Variants in AGBL5 observed in about 807,000 individuals in gnomAD.
AGBL5 encodes cytosolic carboxypeptidase-like protein 5.
A neutral mutation model predicts 88.0 loss-of-function variants in AGBL5; 51 were observed. The ratio of observed to expected loss-of-function variants is 0.58; its 90% confidence interval spans 0.46 to 0.73. The LOEUF (loss-of-function observed/expected upper bound fraction) is 0.73. Among genes scored for constraint, AGBL5 ranks in the 30% least tolerant of loss-of-function variants. AGBL5 has a pLI of 0.00. For missense variants in AGBL5, 1,031 were observed against 1,162.2 expected (o/e 0.89, Z 1.64); for synonymous variants, 446 against 438.8 (o/e 1.02, Z -0.21).
intron 7 of AGBL5, chr2:27,056,342 A>G (rs140547084): frequency 3.2e-6 from 2 of 630,472 alleles, no homozygotes; most frequent in African/African-American, 1.8e-5. Flanking sequence ...ACCTTTTATT[A>G]AGGAAAGCTA....
Position 27,057,366 on chromosome 2 carries a change from T to C in AGBL5, c.1599T>C (p.His533=). 6 of 1,614,080 alleles carry C rather than the reference T, an allele frequency of 3.7e-6. No individual in the cohort carries two copies. The highest frequency in any genetic ancestry group is 5.1e-6 in the Non-Finnish European group (6 of 1,179,974). ...RSVNSIPAAC[H]DNGRASPPPP... is the part of the protein sequence containing the mutation. ...TAAACAGCATCCCTGCTGCCTGCCA[T>C]GACAATGGGCGTGCCAGCCCCCCTC... The change falls in exon 9 of 15, where the codon CAT becomes CAC. Residue 533 remains histidine, a synonymous_variant. Coordinates refer to ENST00000360131, the MANE Select transcript of AGBL5 (RefSeq NM_021831.6).
At position 27,054,676 on chromosome 2, in the gene AGBL5, C is replaced by G. The variant is rs1668338532; in HGVS notation, c.598C>G (p.Leu200Val). The G allele has an allele frequency of 1.2e-6, 2 of 1,613,996 alleles. No homozygotes were observed. Among genetic ancestry groups the G allele is most frequent in the African/African-American group, 2.7e-5 (2 of 74,894 alleles). Residue 200 changes from leucine to valine, a missense_variant, in exon 5 of 15, where the codon CTG (leucine) becomes GTG (valine). This residue lies in a region of AGBL5 where 540 missense variants were observed against 678.2 expected (regional missense o/e 0.80). Transcript: ENST00000360131. ...YYHRELLCYS[L>V]DGLRVDLLTI... Reference sequence around the variant, plus strand: ...CCATCGGGAGCTCCTTTGCTATTCTCTGGATGGACTTCGTGTAGATCTGCT... The same window carrying G: ...CCATCGGGAGCTCCTTTGCTATTCTGTGGATGGACTTCGTGTAGATCTGCT...
chr2:27,056,390 A>C, intron 7 of AGBL5: 1 of 603,254 alleles, frequency 1.7e-6, no homozygotes, highest in Non-Finnish European at 2.8e-6. Flanking sequence ...GAATCCAGAG[A>C]AGGAAAATTT....
intron 1 of AGBL5, chr2:27,052,551 T>C (rs571862289): frequency 1.3e-5 from 2 of 156,294 alleles, no homozygotes; most frequent in South Asian, 3.9e-4. Flanking sequence ...GTGGTGAGTG[T>C]ATCTTGGCTA....
chr2:27,064,213 A>G lies in AGBL5; in HGVS notation c.2090-3281A>G, dbSNP rs564484606. ...AGCTAATGTTTTAGGTTATTTGACT[A>G]TGGCCACGAGTCTTGACTTCTGTTA... is the stretch of plus-strand genomic sequence containing the variant. On this transcript the variant is annotated intron_variant, in intron 11 of 14. Coordinates refer to ENST00000360131, the MANE Select transcript of AGBL5 (RefSeq NM_021831.6). Among the ~76,000 whole-genome samples, 3 of 151,858 alleles carry G rather than the reference A, an allele frequency of 2.0e-5. 1 individual carries two copies. In the South Asian group the frequency reaches 6.2e-4, roughly 32 times the overall value.
In AGBL5 at chr2:27,053,006, AG is replaced by A. The variant is rs1668246508; in HGVS notation, c.51del (p.Asn18IlefsTer2). On this transcript the variant is annotated frameshift_variant, in exon 2 of 15. Coordinates refer to ENST00000360131, the MANE Select transcript of AGBL5 (RefSeq NM_021831.6). LOFTEE classifies it high-confidence loss of function. This position sits in a 1 kb window ranked among gnomAD's most constrained non-coding sequence, Gnocchi z 4.9. ...TGCTGTTCAGTTCTCGCTTTGATTC[AG>A]GGAATCTAGCCCACGTGGAGAAGGT... Reference protein sequence around the residue: ...GLLFSSRFDSGNLAHVEKVES... With the variant: ...GLLFSSRFDSXNLAHVEKVES... The A allele has an allele frequency of 6.2e-7, 1 of 1,613,364 alleles. No homozygotes were observed. The highest frequency in any genetic ancestry group is 8.5e-7 in the Non-Finnish European group (1 of 1,179,734).
intron 12 of AGBL5, 86 bp downstream of exon 12, chr2:27,067,732 G>A (rs751117062): frequency 1.3e-6 from 2 of 1,482,998 alleles, no homozygotes; most frequent in Non-Finnish European, 1.9e-6. Flanking sequence ...GGGAGACCAG[G>A]GGCATCACTT....
chr2:27,054,608 CTTAA>C lies in AGBL5; in HGVS notation c.552-19_552-16del. The C allele has an allele frequency of 1.9e-6, 3 of 1,604,796 alleles. No homozygotes were observed. The highest frequency in any genetic ancestry group is 2.6e-6 in the Non-Finnish European group (3 of 1,175,248). ...CTAGGACTTTAGGGACTTCTCCTGG[CTTAA>C]TTTTTTTTTCCCTGTAGCCCCCTGG... On this transcript the variant is annotated intron_variant, in intron 4 of 14. Coordinates refer to ENST00000360131, the MANE Select transcript of AGBL5 (RefSeq NM_021831.6).
rs1334732637 is a variant in AGBL5 at position 27,067,612 on chromosome 2, C to A, written c.2208C>A (p.Gly736=). The change falls in exon 12 of 15, where the codon GGC becomes GGA. Residue 736 remains glycine, a synonymous_variant. Transcript: ENST00000360131. The part of the protein sequence containing the change: ...SSGPASSHKL[G]SCLLPDSFNI... ...GCCCAGCCTCCTCACACAAGCTGGG[C>A]TCCTGTCTACTGCCTGATTCATTCA... 6.2e-7 allele frequency: 1 copy of A among 1,614,094 alleles called. No individual in the cohort carries two copies. Among genetic ancestry groups the A allele is most frequent in the Non-Finnish European group, 8.5e-7 (1 of 1,180,016 alleles).
At chr2:27,054,481 C>T (rs1399212975) in intron 4 of AGBL5, 149 bp from the exon 5 acceptor site, 3 of 733,060 alleles carry the variant, frequency 4.1e-6, no homozygotes, top group African/African-American at 3.5e-5. Flanking sequence ...CCACTCAAAT[C>T]CTTAGCCTCA....
chr2:27,054,920 G>T (rs528279447), intron 5 of AGBL5, 113 bp downstream of exon 5: 2 of 1,501,264 alleles, frequency 1.3e-6, no homozygotes, highest in African/African-American at 2.8e-5. Context: ...TCCGCCCGCA[G>T]CGTGCGGCAA....
At chr2:27,056,882 G>A (rs2004575) in intron 8 of AGBL5, 90 bp downstream of exon 8, 1 of 1,391,806 alleles carries the variant, frequency 7.2e-7, no homozygotes, top group African/African-American at 1.5e-5. Flanking sequence ...TGTAATCCCA[G>A]CTACTGAGGA....
At chr2:27,057,772 C>T (rs767511429) in intron 9 of AGBL5, among the ~76,000 whole-genome samples, 40 of 152,154 alleles carry the variant, frequency 2.6e-4, no homozygotes, top group Non-Finnish European at 5.1e-4. Context: ...TGATGATTCC[C>T]ATTATCCTAA....
intron 12 of AGBL5, among the ~76,000 whole-genome samples, chr2:27,068,250 A>T (rs114021245): frequency 8.2e-4 from 125 of 152,306 alleles, no homozygotes; most frequent in Non-Finnish European, 1.4e-3. Flanking sequence ...TCAAATGCTA[A>T]ACATATGATT....
At position 27,057,327 on chromosome 2, in the gene AGBL5, C is replaced by G; in HGVS notation, c.1560C>G (p.Asn520Lys). Residue 520 changes from asparagine to lysine, a missense_variant, in exon 9 of 15, where the codon AAC becomes AAG. By Grantham distance (94) the Asn-to-Lys change is moderately conservative. Coordinates refer to ENST00000360131, the MANE Select transcript of AGBL5 (RefSeq NM_021831.6). ...IHSYTLECNY[N>K]TGRSVNSIPA... ...GCTACACACTTGAATGCAACTACAA[C>G]ACTGGACGCTCAGTAAACAGCATCC... The G allele has an allele frequency of 6.2e-7, 1 of 1,613,904 alleles. No individual in the cohort carries two copies. The highest frequency in any genetic ancestry group is 8.5e-7 in the Non-Finnish European group (1 of 1,179,900).
chr2:27,058,488 C>G lies in AGBL5; in HGVS notation c.1760C>G (p.Thr587Ser). Residue 587 changes from threonine to serine, a missense_variant, in exon 10 of 15, where the codon ACT becomes AGT. Transcript: ENST00000360131. Reference protein sequence around the residue: ...RIVLSEHSSLTNLRAWMLKHV... With the variant: ...RIVLSEHSSLSNLRAWMLKHV... ...GTACTGTCAGAGCACAGCAGCCTTACTAATCTACGGGCCTGGATGCTGAAA... is the reference window on the plus strand; with the variant it reads ...GTACTGTCAGAGCACAGCAGCCTTAGTAATCTACGGGCCTGGATGCTGAAA... 2 of 1,614,164 alleles carry G rather than the reference C, an allele frequency of 1.2e-6. No individual in the cohort carries two copies. The highest frequency in any genetic ancestry group is 1.7e-6 in the Non-Finnish European group (2 of 1,180,038).
chr2:27,056,961 A>G (rs996277979), intron 8 of AGBL5, 169 bp downstream of exon 8: 56 of 673,446 alleles, frequency 8.3e-5, no homozygotes, highest in Admixed American at 5.0e-4. Flanking sequence ...GTGCCATTGC[A>G]CTCCAGCCTG....
In AGBL5 at chr2:27,070,543, G is replaced by A. The variant is rs779584186; in HGVS notation, c.*280G>A. On this transcript the variant is annotated 3_prime_UTR_variant, in exon 15 of 15. Transcript: ENST00000360131. ...GAGTAGAAAAGCAAGCCCCTATACT[G>A]GGCCCTATTCAGTGGCAGCTTCTTG... 3.6e-5 allele frequency: 14 copies of A among 393,276 alleles called. No homozygotes were observed. The highest frequency in any genetic ancestry group is 6.0e-5 in the Non-Finnish European group (13 of 215,918). The allele number at this position is 393,276 out of a possible 1,614,324, so 24.4% of individuals were successfully genotyped here.
chr2:27,058,522 C>T lies in AGBL5; in HGVS notation c.1794C>T (p.Arg598=). The T allele has an allele frequency of 6.2e-7, 1 of 1,614,138 alleles. No homozygotes were observed. Among genetic ancestry groups the T allele is most frequent in the Non-Finnish European group, 8.5e-7 (1 of 1,180,036 alleles). ...NLRAWMLKHV[R]NSRGLSSTLN... ...GGGCCTGGATGCTGAAACATGTACG[C>T]AACAGCCGAGGCCTAAGCAGCACTC... is the stretch of plus-strand genomic sequence containing the variant. Residue 598 remains arginine, a synonymous_variant, in exon 10 of 15, where the codon CGC becomes CGT. Transcript: ENST00000360131.
Sources: allele counts gnomAD v4.1 joint callset (sites outside exome capture counted in the v4.1 genomes callset), GRCh38; gene constraint gnomAD v4.1.1; regional missense constraint gnomAD v4.1.1; non-coding constraint Gnocchi (gnomAD v3.1); transcripts MANE v1.5; gene names NCBI Gene and HGNC (gene_info 2026-07-23, HGNC 2026-07-21).